The following SUGCT variants were observed in gnomAD, a reference collection of about 807,000 sequenced individuals.
The protein encoded by SUGCT is succinyl-CoA:glutarate CoA-transferase.
In SUGCT, 41 loss-of-function variants were observed where a neutral mutation model predicts 55.0. The observed-to-expected ratio is 0.74, with a 90% CI of 0.58 to 0.97. The LOEUF (loss-of-function observed/expected upper bound fraction) is 0.97. SUGCT is among the 50% of genes least tolerant of loss of function. SUGCT has a pLI of 0.00. For missense variants in SUGCT, 568 were observed against 547.8 expected (o/e 1.04, Z -0.37); for synonymous variants, 187 against 200.4 (o/e 0.93, Z 0.56).
chr7:40,623,144 CA>C (rs1234650587), intron 12 of SUGCT, among the ~76,000 whole-genome samples: 1 of 152,186 alleles, frequency 6.6e-6, no homozygotes, highest in East Asian at 1.9e-4. Flanking sequence ...CTTGGTGCCA[CA>C]AGGGAAGGCT....
At chr7:40,756,483 A>G (rs964142191) in intron 13 of SUGCT, among the ~76,000 whole-genome samples, 2 of 152,172 alleles carry the variant, frequency 1.3e-5, no homozygotes, top group Non-Finnish European at 1.5e-5. Flanking sequence ...TGCCTTTTCT[A>G]TGCTACACAA....
chr7:40,915,817 G>A, the SUGCT span, among the ~76,000 whole-genome samples: 1 of 152,170 alleles, frequency 6.6e-6, no homozygotes, highest in Non-Finnish European at 1.5e-5. Flanking sequence ...AAATAAAATA[G>A]AATTTGATAC....
intron 12 of SUGCT, among the ~76,000 whole-genome samples, chr7:40,721,923 G>C (rs538951129): frequency 6.6e-6 from 1 of 152,298 alleles, no homozygotes; most frequent in South Asian, 2.1e-4. Flanking sequence ...TTTCAAGAAT[G>C]TCCTTTCATA....
chr7:40,395,489 C>CAAAAAAAAAAAAAAAAAAA (rs36068766), intron 9 of SUGCT, among the ~76,000 whole-genome samples: 2 of 46,132 alleles, frequency 4.3e-5, no homozygotes, highest in Non-Finnish European at 8.7e-5. Context: ...AACTCTGTCT[C>CAAAAAAAAAAAAAAAAAAA]AAAAAAAAAA....
At chr7:40,347,543 G>A (rs984689777) in intron 9 of SUGCT, among the ~76,000 whole-genome samples, 15 of 152,206 alleles carry the variant, frequency 9.9e-5, no homozygotes, top group African/African-American at 3.6e-4. Context: ...ATGAATTGAA[G>A]AAAAATTGTT....
the SUGCT span, among the ~76,000 whole-genome samples, chr7:41,006,954 C>T: frequency 1.3e-5 from 2 of 152,180 alleles, no homozygotes; most frequent in Non-Finnish European, 2.9e-5. Flanking sequence ...TGATTATCCA[C>T]TGAAGTGATG....
At chr7:40,139,939 G>A (rs1264010799) in intron 1 of SUGCT, among the ~76,000 whole-genome samples, 1 of 151,108 alleles carries the variant, frequency 6.6e-6, no homozygotes, top group Non-Finnish European at 1.5e-5. Context: ...TTTCGCTTTT[G>A]TTGTCCAGGC....
At chr7:41,035,857 A>T in the SUGCT span, among the ~76,000 whole-genome samples, 1 of 152,104 alleles carries the variant, frequency 6.6e-6, no homozygotes, top group Non-Finnish European at 1.5e-5. Context: ...AGGAACCCCC[A>T]GCCTTGCATT....
At chr7:40,388,477 G>A (rs1236795703) in intron 9 of SUGCT, among the ~76,000 whole-genome samples, 15 of 151,996 alleles carry the variant, frequency 9.9e-5, no homozygotes, top group East Asian at 5.8e-4. Flanking sequence ...GTGCAGCGGC[G>A]CGATCTTGGC....
At chr7:40,871,028 T>C in the SUGCT span, among the ~76,000 whole-genome samples, 4 of 152,182 alleles carry the variant, frequency 2.6e-5, no homozygotes, top group African/African-American at 9.6e-5. Flanking sequence ...AGCCCTGGAA[T>C]TAATCATTTC....
At chr7:40,585,623 C>T (rs1200568572) in intron 12 of SUGCT, among the ~76,000 whole-genome samples, 1 of 152,178 alleles carries the variant, frequency 6.6e-6, no homozygotes, top group African/African-American at 2.4e-5. Flanking sequence ...TCTTACCCCA[C>T]TTGGCCTCCT....
chr7:40,993,894 A>C, the SUGCT span, among the ~76,000 whole-genome samples: 1 of 152,218 alleles, frequency 6.6e-6, no homozygotes, highest in Non-Finnish European at 1.5e-5. Context: ...AAGTGAAAAA[A>C]TATATGCAAG....
intron 9 of SUGCT, among the ~76,000 whole-genome samples, chr7:40,346,583 A>G (rs1235081506): frequency 6.6e-6 from 1 of 152,124 alleles, no homozygotes; most frequent in Non-Finnish European, 1.5e-5. Flanking sequence ...CATAACATCT[A>G]CCTTATTGGC....
intron 13 of SUGCT, among the ~76,000 whole-genome samples, chr7:40,805,973 C>T (rs563737943): frequency 5.3e-5 from 8 of 152,084 alleles, no homozygotes; most frequent in South Asian, 4.1e-4. Context: ...TGAAATAGTG[C>T]GTGCATCTTA....
chr7:40,717,050 T>G (rs1233872443), intron 12 of SUGCT, among the ~76,000 whole-genome samples: 2 of 152,158 alleles, frequency 1.3e-5, no homozygotes, highest in African/African-American at 4.8e-5. Context: ...GAATGTAATT[T>G]TATACAATAT....
chr7:40,692,553 A>G (rs1400041041), intron 12 of SUGCT, among the ~76,000 whole-genome samples: 1 of 152,176 alleles, frequency 6.6e-6, no homozygotes, highest in Non-Finnish European at 1.5e-5. Context: ...GTGAAACTGG[A>G]TGAGAAAATT....
the SUGCT span, among the ~76,000 whole-genome samples, chr7:40,944,630 A>G: frequency 2.0e-5 from 3 of 151,950 alleles, no homozygotes. Flanking sequence ...GTTCTGTTCC[A>G]TTGTTTTGGT....
At chr7:41,030,386 C>T in the SUGCT span, among the ~76,000 whole-genome samples, 1 of 152,076 alleles carries the variant, frequency 6.6e-6, no homozygotes, top group Non-Finnish European at 1.5e-5. Context: ...GGCTTTCATC[C>T]TTTAGGAGTT....
At chr7:40,561,695 T>C (rs1171618358) in intron 12 of SUGCT, among the ~76,000 whole-genome samples, 2 of 145,918 alleles carry the variant, frequency 1.4e-5, no homozygotes, top group African/African-American at 5.1e-5. Context: ...AGTCTTTTTT[T>C]TTTTTTTTTT....
Sources: allele counts gnomAD v4.1 joint callset (sites outside exome capture counted in the v4.1 genomes callset), GRCh38; gene constraint gnomAD v4.1.1; transcripts MANE v1.5; gene names NCBI Gene and HGNC (gene_info 2026-07-23, HGNC 2026-07-21).